RGS7: variants seen among roughly 807,000 people sequenced by gnomAD.
RGS7 encodes the protein regulator of G-protein signaling 7.
Under a neutral mutation model 81.1 loss-of-function variants are expected in RGS7, and 27 were observed. The ratio of observed to expected loss-of-function variants is 0.33; its 90% CI spans 0.25 to 0.46. RGS7 has a LOEUF of 0.46. Among genes scored for constraint, RGS7 ranks in the 20% least tolerant of loss-of-function variants. The probability of loss-of-function intolerance (pLI) is 1.00; values close to 1 mark genes in which losing one functional copy is unlikely to be tolerated. For missense variants in RGS7, 396 were observed against 607.4 expected (o/e 0.65, Z 3.66); for synonymous variants, 208 against 207.7 (o/e 1.00, Z -0.01).
chr1:240,886,436 A>T (rs1156836650), intron 6 of RGS7, among the ~76,000 whole-genome samples: 1 of 152,226 alleles, frequency 6.6e-6, no homozygotes, highest in Non-Finnish European at 1.5e-5. Context: ...TAAATGAGAC[A>T]CTAAAATAAC....
chr1:240,930,897 A>C, intron 5 of RGS7, 129 bp from the exon 6 acceptor site: 1 of 936,744 alleles, frequency 1.1e-6, no homozygotes, highest in South Asian at 1.4e-5. Context: ...AATACAGAAC[A>C]TGTTCCAAGA....
chr1:240,881,111 A>G (rs971631834), intron 6 of RGS7, among the ~76,000 whole-genome samples: 1 of 152,206 alleles, frequency 6.6e-6, no homozygotes, highest in Non-Finnish European at 1.5e-5. Flanking sequence ...TTTTCATGCT[A>G]AAGAAAAAGA....
At chr1:241,212,283 A>T (rs960049386) in intron 2 of RGS7, among the ~76,000 whole-genome samples, 8 of 152,232 alleles carry the variant, frequency 5.3e-5, no homozygotes, top group East Asian at 1.9e-4. Context: ...TGTCATTTAG[A>T]ATAATCTGTA....
chr1:241,315,107 CTTTTTT>C (rs5782184), intron 2 of RGS7, among the ~76,000 whole-genome samples: 16 of 57,428 alleles, frequency 2.8e-4, no homozygotes, highest in African/African-American at 4.5e-4. Context: ...TCTTCTTCTT[CTTTTTT>C]TTTTTTTTTT....
chr1:241,036,210 T>C (rs2060317113), intron 3 of RGS7, among the ~76,000 whole-genome samples: 1 of 152,116 alleles, frequency 6.6e-6, no homozygotes, highest in Non-Finnish European at 1.5e-5. Flanking sequence ...TGTCAAACTA[T>C]GTCTTTAAAA....
intron 6 of RGS7, among the ~76,000 whole-genome samples, chr1:240,886,057 AAT>A (rs1667289493): frequency 6.6e-6 from 1 of 152,194 alleles, no homozygotes; most frequent in South Asian, 2.1e-4. Flanking sequence ...TAAAAAATGT[AAT>A]AAAGTAAGAA....
chr1:240,872,436 G>A (rs1351534551), intron 6 of RGS7, among the ~76,000 whole-genome samples: 1 of 151,968 alleles, frequency 6.6e-6, no homozygotes, highest in Non-Finnish European at 1.5e-5. Flanking sequence ...TCCAGACTGG[G>A]CAACAGAGCA....
At chr1:240,944,278 G>GTATATA (rs1678159395) in intron 4 of RGS7, among the ~76,000 whole-genome samples, 1 of 20,462 alleles carries the variant, frequency 4.9e-5, no homozygotes, top group African/African-American at 1.5e-4. Flanking sequence ...GTGTGTGTGT[G>GTATATA]TGTGTATATA....
chr1:240,942,908 T>A (rs1558502781), intron 4 of RGS7, among the ~76,000 whole-genome samples: 1 of 152,174 alleles, frequency 6.6e-6, no homozygotes, highest in Non-Finnish European at 1.5e-5. Flanking sequence ...CAAAACCAAG[T>A]AAAAATGGAC....
chr1:241,170,761 C>T (rs2070678433), intron 2 of RGS7, among the ~76,000 whole-genome samples: 1 of 152,144 alleles, frequency 6.6e-6, no homozygotes, highest in African/African-American at 2.4e-5. Flanking sequence ...GTAGCACAAA[C>T]ACAAAATCAC....
intron 2 of RGS7, among the ~76,000 whole-genome samples, chr1:241,183,223 T>C (rs1169429475): frequency 6.6e-6 from 1 of 152,192 alleles, no homozygotes; most frequent in Non-Finnish European, 1.5e-5. Flanking sequence ...GATACCCTAT[T>C]ACACTATTTC....
intron 2 of RGS7, among the ~76,000 whole-genome samples, chr1:241,247,386 G>T (rs1346951724): frequency 6.6e-6 from 1 of 152,154 alleles, no homozygotes; most frequent in Non-Finnish European, 1.5e-5. Context: ...GTAGTTCTGT[G>T]TATGTAAATT....
At chr1:241,322,487 T>G (rs1478006497) in intron 2 of RGS7, among the ~76,000 whole-genome samples, 1 of 152,242 alleles carries the variant, frequency 6.6e-6, no homozygotes, top group African/African-American at 2.4e-5. Context: ...ATCTGCCACT[T>G]ATTTGATTCT....
intron 6 of RGS7, among the ~76,000 whole-genome samples, chr1:240,927,686 C>T (rs1198456413): frequency 2.0e-5 from 3 of 152,298 alleles, no homozygotes; most frequent in South Asian, 2.1e-4. Context: ...TTCTCTTCCT[C>T]TCATTTTTCT....
chr1:241,225,625 A>G (rs1203466680), intron 2 of RGS7, among the ~76,000 whole-genome samples: 1 of 152,146 alleles, frequency 6.6e-6, no homozygotes, highest in East Asian at 1.9e-4. Context: ...TTTTAGAGAG[A>G]TATTACAGGC....
intron 10 of RGS7, among the ~76,000 whole-genome samples, chr1:240,826,629 G>C (rs1412935123): frequency 6.6e-6 from 1 of 152,118 alleles, no homozygotes; most frequent in African/African-American, 2.4e-5. Flanking sequence ...CATTTTCAAA[G>C]GGTTATTTAA....
At chr1:240,777,646 G>C (rs377205458) in intron 18 of RGS7, among the ~76,000 whole-genome samples, 25 of 152,298 alleles carry the variant, frequency 1.6e-4, no homozygotes, top group African/African-American at 6.0e-4. Context: ...ATAGGACTGG[G>C]AAGTCCAAGA....
chr1:241,291,451 G>C (rs72760567), intron 2 of RGS7, among the ~76,000 whole-genome samples: 2,988 of 151,924 alleles, frequency 0.02, 55 homozygotes, highest in Middle Eastern at 0.051. Context: ...ATGACAACTA[G>C]GGTGGAAAAC....
chr1:241,269,870 G>A (rs768956678), intron 2 of RGS7, among the ~76,000 whole-genome samples: 3 of 152,176 alleles, frequency 2.0e-5, no homozygotes, highest in Non-Finnish European at 4.4e-5. Context: ...TGTACATAGT[G>A]TAGCCATTTA....
Sources: allele counts gnomAD v4.1 joint callset (sites outside exome capture counted in the v4.1 genomes callset), GRCh38; gene constraint gnomAD v4.1.1; transcripts MANE v1.5; gene names NCBI Gene and HGNC (gene_info 2026-07-23, HGNC 2026-07-21).